FILIP1L: variants seen among roughly 807,000 people sequenced by gnomAD.
FILIP1L encodes the protein filamin A interacting protein 1 like, also known as filamin A-interacting protein 1-like.
In FILIP1L, 55 loss-of-function variants were observed where a neutral mutation model predicts 96.6. The ratio of observed to expected loss-of-function variants is 0.57; its 90% CI spans 0.46 to 0.71. The LOEUF (loss-of-function observed/expected upper bound fraction) is 0.71. Ranked by LOEUF, FILIP1L falls within the 30% of genes least tolerant of loss-of-function variation. The probability of loss-of-function intolerance (pLI) is 0.00; values close to 1 mark genes in which losing one functional copy is unlikely to be tolerated. For missense variants in FILIP1L, 1,304 were observed against 1,321.2 expected (o/e 0.99, Z 0.20); for synonymous variants, 467 against 473.9 (o/e 0.99, Z 0.19).
At chr3:99,866,218 A>G (rs1944509237) in intron 4 of FILIP1L, among the ~76,000 whole-genome samples, 1 of 151,448 alleles carries the variant, frequency 6.6e-6, no homozygotes, top group Non-Finnish European at 1.5e-5. Flanking sequence ...TTCTTACCTT[A>G]ATTGTTGTTC....
chr3:99,971,295 G>A (rs1022513255), intron 1 of FILIP1L, among the ~76,000 whole-genome samples: 8 of 149,144 alleles, frequency 5.4e-5, no homozygotes, highest in African/African-American at 7.5e-5. Context: ...AGCCAAGATC[G>A]TGCCACTGCC....
chr3:100,100,036 T>C (rs2066278016), intron 1 of FILIP1L, among the ~76,000 whole-genome samples: 1 of 151,936 alleles, frequency 6.6e-6, no homozygotes, highest in South Asian at 2.1e-4. Flanking sequence ...TTAAAGAAAG[T>C]GCAATGATGA....
chr3:99,906,535 C>T (rs1049533140), intron 4 of FILIP1L, among the ~76,000 whole-genome samples: 8 of 152,102 alleles, frequency 5.3e-5, no homozygotes, highest in Non-Finnish European at 1.2e-4. Context: ...TCAATAAAGT[C>T]TTACTTTTTT....
At chr3:99,947,137 CAAAAAAAA>C (rs397829321) in intron 1 of FILIP1L, among the ~76,000 whole-genome samples, 2 of 88,826 alleles carry the variant, frequency 2.3e-5, no homozygotes, top group Non-Finnish European at 4.2e-5. Flanking sequence ...GACTCTGTCT[CAAAAAAAA>C]AAAAAAAAAA....
chr3:99,885,896 C>T (rs1393013024), intron 4 of FILIP1L, among the ~76,000 whole-genome samples: 1 of 152,160 alleles, frequency 6.6e-6, no homozygotes, highest in Non-Finnish European at 1.5e-5. Context: ...GAATCTATTT[C>T]CCAAAGGCTG....
intron 1 of FILIP1L, among the ~76,000 whole-genome samples, chr3:99,941,077 G>T (rs1707836426): frequency 6.6e-6 from 1 of 152,194 alleles, no homozygotes; most frequent in South Asian, 2.1e-4. Flanking sequence ...AAGCATATAA[G>T]TTTAGTCTGA....
chr3:99,984,487 C>T (rs1709272821), intron 1 of FILIP1L, among the ~76,000 whole-genome samples: 2 of 152,158 alleles, frequency 1.3e-5, no homozygotes, highest in African/African-American at 2.4e-5. Context: ...CTATCATTTG[C>T]ATTAACTTTC....
intron 1 of FILIP1L, among the ~76,000 whole-genome samples, chr3:100,080,153 C>A (rs1311548207): frequency 1.3e-5 from 2 of 152,028 alleles, no homozygotes; most frequent in African/African-American, 4.8e-5. Flanking sequence ...TTAAAAATTT[C>A]TATTTTTTTA....
chr3:100,056,862 G>T (rs1043687564), intron 1 of FILIP1L, among the ~76,000 whole-genome samples: 9 of 152,086 alleles, frequency 5.9e-5, no homozygotes, highest in African/African-American at 1.4e-4. Flanking sequence ...AAATTAGCCG[G>T]GTGTGATGGC....
intron 1 of FILIP1L, among the ~76,000 whole-genome samples, chr3:99,947,128 A>G (rs2107683520): frequency 1.1e-5 from 1 of 92,862 alleles, no homozygotes. Context: ...ACAGAGCAAG[A>G]CTCTGTCTCA....
At chr3:99,867,333 A>G (rs1944569396) in intron 4 of FILIP1L, among the ~76,000 whole-genome samples, 1 of 152,170 alleles carries the variant, frequency 6.6e-6, no homozygotes, top group East Asian at 1.9e-4. Flanking sequence ...CTATTTGAAT[A>G]CCATCCATTT....
At chr3:100,076,157 C>A (rs1418630460) in intron 1 of FILIP1L, among the ~76,000 whole-genome samples, 1 of 152,264 alleles carries the variant, frequency 6.6e-6, no homozygotes, top group South Asian at 2.1e-4. Context: ...CCCGGAAAAC[C>A]CTTAAAAATG....
chr3:99,836,945 G>A (rs993963875), intron 5 of FILIP1L, among the ~76,000 whole-genome samples: 7 of 152,190 alleles, frequency 4.6e-5, no homozygotes, highest in Non-Finnish European at 7.3e-5. Context: ...TCCCTAAAGC[G>A]TATTTCCTTC....
chr3:99,922,778 A>G (rs1007117583), intron 4 of FILIP1L, among the ~76,000 whole-genome samples: 1 of 152,208 alleles, frequency 6.6e-6, no homozygotes, highest in Non-Finnish European at 1.5e-5. Flanking sequence ...TACCCTACAT[A>G]TGGTTAGAAA....
chr3:100,108,612 A>G (rs989357546), intron 1 of FILIP1L, among the ~76,000 whole-genome samples: 1 of 152,180 alleles, frequency 6.6e-6, no homozygotes, highest in Non-Finnish European at 1.5e-5. Context: ...TCCTCACTGT[A>G]TTCTAGTGGT....
At position 99,830,310 on chromosome 3, in the gene FILIP1L, T is replaced by C. The variant is rs1371173173; in HGVS notation, c.*104A>G. The C allele has an allele frequency of 2.3e-5, 8 of 349,052 alleles. No individual in the cohort carries two copies. Among genetic ancestry groups the C allele is most frequent in the Admixed American group, 1.1e-4 (3 of 26,426 alleles). 21.6% of individuals were successfully genotyped at this position (349,052 alleles called of 1,614,324 possible). A position where few individuals can be genotyped will look rare whatever the true frequency, so the allele number is the denominator to read the frequency against. ...TCTTCATCAGGTCCACAAAGCTGCT[T>C]CACCATTTCCTGGAGAGATGGTCCT... On this transcript the variant is annotated 3_prime_UTR_variant, in exon 6 of 6. Transcript: ENST00000477258.
At chr3:99,876,840 C>A (rs1358982492) in intron 4 of FILIP1L, among the ~76,000 whole-genome samples, 1 of 152,084 alleles carries the variant, frequency 6.6e-6, no homozygotes, top group Non-Finnish European at 1.5e-5. Context: ...TTAACGAAAG[C>A]AGTTAAAACT....
At chr3:99,858,758 A>C (rs1176568130) in intron 4 of FILIP1L, among the ~76,000 whole-genome samples, 1 of 152,218 alleles carries the variant, frequency 6.6e-6, no homozygotes, top group Non-Finnish European at 1.5e-5. Context: ...TTGTGTTATT[A>C]TGAAGATATC....
intron 1 of FILIP1L, among the ~76,000 whole-genome samples, chr3:100,029,622 A>G (rs907202425): frequency 3.9e-5 from 6 of 152,168 alleles, no homozygotes; most frequent in Non-Finnish European, 4.4e-5. Flanking sequence ...CACTAAAATA[A>G]AAAAGCAAAT....
Sources: allele counts gnomAD v4.1 joint callset (sites outside exome capture counted in the v4.1 genomes callset), GRCh38; gene constraint gnomAD v4.1.1; transcripts MANE v1.5; gene names NCBI Gene and HGNC (gene_info 2026-07-23, HGNC 2026-07-21).